CCDC187: variants seen among roughly 807,000 people sequenced by gnomAD.
The protein encoded by CCDC187 is coiled-coil domain containing 187.
In CCDC187, 32 loss-of-function variants were observed where a neutral mutation model predicts 38.0. The ratio of observed to expected loss-of-function variants is 0.84; its 90% CI spans 0.64 to 1.13. The LOEUF (loss-of-function observed/expected upper bound fraction) is 1.13. CCDC187 is among the 50% of genes most tolerant of loss of function. The pLI is 0.00. For synonymous variants in CCDC187, 333 were observed against 347.9 expected (o/e 0.96, Z 0.48); for missense variants, 707 against 786.8 (o/e 0.90, Z 1.21).
chr9:136,256,113 AGAGT>A, intron 24 of CCDC187, 94 bp downstream of exon 24: 1 of 578,996 alleles, frequency 1.7e-6, no homozygotes. Context: ...GTGCCAGGAG[AGAGT>A]GAGGGTCCCC....
intron 10 of CCDC187, among the ~76,000 whole-genome samples, chr9:136,278,525 C>T (rs2131231349): frequency 6.6e-6 from 1 of 152,350 alleles, no homozygotes; most frequent in Admixed American, 6.5e-5. Flanking sequence ...AAAAGTCTAG[C>T]CCCACGTGCC....
chr9:136,304,984 GAC>G (rs1227260843), upstream of CCDC187, among the ~76,000 whole-genome samples: 18 of 152,362 alleles, frequency 1.2e-4, no homozygotes, highest in Non-Finnish European at 2.4e-4. Context: ...AACGCCTGGA[GAC>G]ACCGCCCAAG....
upstream of CCDC187, among the ~76,000 whole-genome samples, chr9:136,306,357 G>T (rs1363313297): frequency 6.6e-6 from 1 of 152,286 alleles, no homozygotes; most frequent in South Asian, 2.1e-4. Flanking sequence ...GCTCAGTGAG[G>T]CACATGCAGT....
chr9:136,297,314 G>GCTGCGGGTGGTGTGAT (rs1831560258), intron 4 of CCDC187, among the ~76,000 whole-genome samples: 5 of 151,430 alleles, frequency 3.3e-5, no homozygotes, highest in South Asian at 2.1e-4. Flanking sequence ...GGTGGTGTGA[G>GCTGCGGGTGGTGTGAT]CTGCAGGTGG....
At chr9:136,263,359 C>T (rs1412326406) in intron 18 of CCDC187, among the ~76,000 whole-genome samples, 2 of 151,956 alleles carry the variant, frequency 1.3e-5, no homozygotes, top group African/African-American at 4.8e-5. Flanking sequence ...CTCAGCCTCC[C>T]GAGTAGCTGG....
At chr9:136,275,900 A>G (rs1421315519) in intron 12 of CCDC187, among the ~76,000 whole-genome samples, 1 of 152,080 alleles carries the variant, frequency 6.6e-6, no homozygotes, top group African/African-American at 2.4e-5. Context: ...TCAGGGGCCT[A>G]CCAAGCCTGG....
Position 136,286,656 on chromosome 9 carries a change from C to A in CCDC187, c.2262G>T (p.Glu754Asp), listed in dbSNP as rs937606904. ...LCLNRAWNHA[E>D]TLDPPGMGGP... ...CCCCCATCCCTGGGGGATCTAGGGT[C>A]TCAGCATGGTTCCAGGCTCTGTTCA... Residue 754 changes from glutamate to aspartate, a missense_variant, in exon 8 of 26, where the codon GAG (glutamate) becomes GAT (aspartate). Glu to Asp is a conservative substitution (Grantham distance 45, BLOSUM62 2). Transcript: ENST00000638797. The A allele has an allele frequency of 7.5e-6, 3 of 398,826 alleles. No homozygotes were observed. The highest frequency in any genetic ancestry group is 8.8e-6 in the Non-Finnish European group (2 of 226,224). 24.7% of individuals were successfully genotyped at this position (398,826 alleles called of 1,614,324 possible).
chr9:136,285,392 G>A, intron 9 of CCDC187, 121 bp downstream of exon 9: 1 of 327,430 alleles, frequency 3.1e-6, no homozygotes, highest in South Asian at 1.1e-4. Context: ...GGACACATGG[G>A]GGTGAAGTGA....
chr9:136,251,379 G>T lies in CCDC187; in HGVS notation c.*2215C>A. ...GGAAAAGCCCCCGGCCGTGCGGGCTGCGCAGAAATGACCTTGGGCCCTTGA... is the reference window on the plus strand; with the variant it reads ...GGAAAAGCCCCCGGCCGTGCGGGCTTCGCAGAAATGACCTTGGGCCCTTGA... On this transcript the variant is annotated 3_prime_UTR_variant, in exon 26 of 26. Transcript: ENST00000638797. The T allele has an allele frequency of 7.6e-6, 2 of 262,546 alleles. No individual in the cohort carries two copies. The highest frequency in any genetic ancestry group is 5.0e-5 in the Admixed American group (1 of 20,172). The allele number at this position is 262,546 out of a possible 1,614,324, so 16.3% of individuals were successfully genotyped here.
Position 136,290,889 on chromosome 9 carries a change from C to A in CCDC187, c.1724G>T (p.Ser575Ile), listed in dbSNP as rs1469275378. 1 of 398,528 alleles carries A rather than the reference C, an allele frequency of 2.5e-6. No homozygotes were observed. The highest frequency in any genetic ancestry group is 2.1e-5 in the African/African-American group (1 of 48,648). The allele number at this position is 398,528 out of a possible 1,614,324, so 24.7% of individuals were successfully genotyped here. A position where few individuals can be genotyped will look rare whatever the true frequency, so the allele number is the denominator to read the frequency against. ...GGGGCCGGCCCTCTGCACGCCGGAG[C>A]TGCTCCAGGGCCGCTGGGCTGGAGG... ...PSPPAQRPWS[S>I]SGVQRAGPQG... is the part of the protein sequence containing the mutation. Residue 575 changes from serine (S) to isoleucine (I), a missense_variant, in exon 6 of 26, where the codon AGC (serine) becomes ATC (isoleucine). Physicochemically the swap from Ser to Ile is moderately radical, Grantham distance 142. Transcript: ENST00000638797.
intron 10 of CCDC187, 133 bp downstream of exon 10, chr9:136,281,418 G>A: frequency 2.5e-6 from 1 of 398,584 alleles, no homozygotes; most frequent in Non-Finnish European, 4.4e-6. Context: ...AGGCGTGGAT[G>A]CTCTCCACGT....
intron 10 of CCDC187, among the ~76,000 whole-genome samples, chr9:136,278,117 TG>T (rs1830968812): frequency 6.6e-6 from 1 of 152,260 alleles, no homozygotes; most frequent in Non-Finnish European, 1.5e-5. Flanking sequence ...CTTCTTTGTT[TG>T]GGTTCAGGTG....
chr9:136,301,990 T>C (rs971150979), intron 2 of CCDC187, among the ~76,000 whole-genome samples: 7 of 151,884 alleles, frequency 4.6e-5, no homozygotes, highest in Non-Finnish European at 8.8e-5. Flanking sequence ...GGTGGGCGGA[T>C]CATGAGGTCA....
intron 19 of CCDC187, 89 bp from the exon 20 acceptor site, chr9:136,260,353 T>A: frequency 1.0e-6 from 1 of 961,224 alleles, no homozygotes; most frequent in Non-Finnish European, 1.2e-6. Context: ...ACCAGCACCC[T>A]CTCCCTGGGA....
chr9:136,286,101 G>A lies in CCDC187; in HGVS notation c.2817C>T (p.Cys939=), dbSNP rs1259557885. The A allele has an allele frequency of 2.8e-5, 11 of 398,400 alleles. No homozygotes were observed. Among genetic ancestry groups the A allele is most frequent in the South Asian group, 1.3e-4 (1 of 7,850 alleles). The allele number at this position is 398,400 out of a possible 1,614,324, so 24.7% of individuals were successfully genotyped here. The change falls in exon 8 of 26, where the codon TGC becomes TGT. Residue 939 remains cysteine (C), a synonymous_variant. Coordinates refer to ENST00000638797, the MANE Select transcript of CCDC187 (RefSeq NM_001378188.1). The part of the protein sequence containing the change: ...QQQSVSPRAH[C]ESKPRGFPEE... ...CCGGCCTACCTCGGGGCTTGCTCTC[G>A]CAGTGGGCCCTCGGGCTCACACTCT...
chr9:136,298,668 G>C (rs935930459), intron 3 of CCDC187, among the ~76,000 whole-genome samples: 12 of 152,360 alleles, frequency 7.9e-5, no homozygotes, highest in African/African-American at 2.9e-4. Flanking sequence ...AACTCTGCTG[G>C]CAGGAGGAGC....
chr9:136,256,384 C>G, intron 23 of CCDC187, 61 bp from the exon 24 acceptor site: 2 of 836,946 alleles, frequency 2.4e-6, no homozygotes, highest in Non-Finnish European at 2.9e-6. Context: ...GTCCACCTCC[C>G]GTAGCTGGAT....
At position 136,272,564 on chromosome 9, in the gene CCDC187, G is replaced by A. The variant is rs1181450229; in HGVS notation, c.3442+2094C>T. Among the ~76,000 whole-genome samples, 7 of 152,124 alleles carry A rather than the reference G, an allele frequency of 4.6e-5. 1 individual carries two copies. Among genetic ancestry groups the A allele is most frequent in the African/African-American group, 7.2e-5 (3 of 41,416 alleles). On this transcript the variant is annotated intron_variant, in intron 14 of 25. Transcript: ENST00000638797. The stretch of plus-strand genomic sequence containing the variant: ...CTAAAAATACAAAAATTAGCTGGGC[G>A]TGGTGGTGCACACTTGTAATCCCAG...
rs1830633654 is a variant in CCDC187 at position 136,257,927 on chromosome 9, GC to G, written c.4366+1004del. ...TAGACCACGTGAGAACATAAGTCAGGCCTCAGGCTCCTCCTCTGCTGCGTGG... is the reference window on the plus strand; with the variant it reads ...TAGACCACGTGAGAACATAAGTCAGGCTCAGGCTCCTCCTCTGCTGCGTGG... On this transcript the variant is annotated intron_variant, in intron 22 of 25. Transcript: ENST00000638797. The surrounding 1 kb of genome is among the most constrained non-coding windows in gnomAD (Gnocchi z 4.5). Among the ~76,000 whole-genome samples, 1 of 152,212 alleles carries G rather than the reference GC, an allele frequency of 6.6e-6. No homozygotes were observed. Among genetic ancestry groups the G allele is most frequent in the Admixed American group, 6.5e-5 (1 of 15,284 alleles).
Sources: gnomAD v4.1 joint callset for allele counts (sites outside exome capture counted in the v4.1 genomes callset) on GRCh38, gnomAD v4.1.1 for gene constraint, Gnocchi (gnomAD v3.1) non-coding constraint, MANE v1.5 for transcripts, NCBI Gene and HGNC (gene_info 2026-07-23, HGNC 2026-07-21) for gene names.